The following PRELID2 variants were observed in gnomAD, a reference collection of about 807,000 sequenced individuals.
PRELID2 encodes the protein PRELI domain containing 2.
A neutral mutation model predicts 28.4 loss-of-function variants in PRELID2; 25 were observed. The observed-to-expected ratio is 0.88, with a 90% CI of 0.64 to 1.23. The LOEUF (loss-of-function observed/expected upper bound fraction) is 1.23, where lower values mean the gene tolerates loss of function less well. Ranked by LOEUF, PRELID2 falls within the 50% of genes most tolerant of loss-of-function variation. The pLI is 0.00. For missense variants in PRELID2, 201 were observed against 214.4 expected (o/e 0.94, Z 0.39); for synonymous variants, 76 against 71.6 (o/e 1.06, Z -0.31).
At chr5:145,793,966 C>T (rs534405993) in intron 5 of PRELID2, among the ~76,000 whole-genome samples, 1 of 152,184 alleles carries the variant, frequency 6.6e-6, no homozygotes, top group East Asian at 1.9e-4. Flanking sequence ...AGAGAATGAG[C>T]CATAACTGGA....
intron 1 of PRELID2, among the ~76,000 whole-genome samples, chr5:145,697,037 A>G (rs1280697578): frequency 4.7e-5 from 1 of 21,306 alleles, no homozygotes; most frequent in Non-Finnish European, 8.1e-5. Context: ...GGAAAATTAT[A>G]TATATATATA....
intron 1 of PRELID2, among the ~76,000 whole-genome samples, chr5:145,569,353 G>T (rs1303451311): frequency 6.6e-6 from 1 of 151,988 alleles, no homozygotes; most frequent in Admixed American, 6.5e-5. Flanking sequence ...AACATGTCTG[G>T]GTGGATCCAG....
the PRELID2 span, among the ~76,000 whole-genome samples, chr5:145,414,844 T>C: frequency 6.6e-6 from 1 of 152,200 alleles, no homozygotes. Flanking sequence ...CAGAATGATT[T>C]CATTTGAATA....
At chr5:145,415,293 T>C in the PRELID2 span, among the ~76,000 whole-genome samples, 1 of 152,078 alleles carries the variant, frequency 6.6e-6, no homozygotes, top group African/African-American at 2.4e-5. Flanking sequence ...TTTTTTATTA[T>C]TATTATACTT....
chr5:145,605,084 G>A (rs1483471534), intron 1 of PRELID2, among the ~76,000 whole-genome samples: 1 of 151,128 alleles, frequency 6.6e-6, no homozygotes, highest in African/African-American at 2.4e-5. Context: ...CCTTTGTTAG[G>A]TGCATAGTTT....
At chr5:145,482,881 C>T (rs1315241750) in intron 1 of PRELID2, among the ~76,000 whole-genome samples, 4 of 151,808 alleles carry the variant, frequency 2.6e-5, no homozygotes. Flanking sequence ...AGGGTTCGCG[C>T]TCCTATGAGA....
At chr5:145,800,436 T>C (rs1214540848) in intron 4 of PRELID2, among the ~76,000 whole-genome samples, 1 of 152,078 alleles carries the variant, frequency 6.6e-6, no homozygotes. Flanking sequence ...TAAAACTATA[T>C]CCTGGTGACA....
At chr5:145,632,698 T>C (rs1753949202) in intron 1 of PRELID2, among the ~76,000 whole-genome samples, 1 of 152,208 alleles carries the variant, frequency 6.6e-6, no homozygotes, top group Non-Finnish European at 1.5e-5. Context: ...CAGCCTGGTG[T>C]ACGCATCCTC....
intron 1 of PRELID2, among the ~76,000 whole-genome samples, chr5:145,564,140 C>G (rs952877694): frequency 1.1e-4 from 17 of 152,164 alleles, no homozygotes; most frequent in African/African-American, 4.1e-4. Flanking sequence ...AAATGTCACC[C>G]ATAAGCCAAA....
chr5:145,713,412 T>C (rs1755753436), intron 1 of PRELID2, among the ~76,000 whole-genome samples: 1 of 140,096 alleles, frequency 7.1e-6, no homozygotes. Context: ...CTTTTATATA[T>C]ACTTTATATA....
chr5:145,750,232 G>T (rs1757091862), intron 1 of PRELID2, among the ~76,000 whole-genome samples: 1 of 151,834 alleles, frequency 6.6e-6, no homozygotes, highest in African/African-American at 2.4e-5. Flanking sequence ...TCTAGAGATT[G>T]CTGAGTGTTT....
the PRELID2 span, among the ~76,000 whole-genome samples, chr5:145,379,849 C>A: frequency 1.3e-5 from 2 of 151,982 alleles, no homozygotes; most frequent in Admixed American, 1.3e-4. Flanking sequence ...CCCGAGAGCA[C>A]TCAAGACTGC....
At chr5:145,244,208 G>C in the PRELID2 span, among the ~76,000 whole-genome samples, 1 of 152,038 alleles carries the variant, frequency 6.6e-6, no homozygotes, top group Admixed American at 6.6e-5. Context: ...ACCCACCTTA[G>C]CCTCCCAAAG....
At chr5:145,277,081 C>G in the PRELID2 span, among the ~76,000 whole-genome samples, 1 of 151,988 alleles carries the variant, frequency 6.6e-6, no homozygotes, top group South Asian at 2.1e-4. Flanking sequence ...TTTGAGGGTA[C>G]CTTCTCTGTG....
chr5:145,465,638 G>A, the PRELID2 span, among the ~76,000 whole-genome samples: 1 of 152,104 alleles, frequency 6.6e-6, no homozygotes, highest in Admixed American at 6.6e-5. Flanking sequence ...TCCTAATCGT[G>A]ACTACCTCAT....
At chr5:145,445,687 A>G in the PRELID2 span, among the ~76,000 whole-genome samples, 4 of 151,944 alleles carry the variant, frequency 2.6e-5, no homozygotes, top group African/African-American at 9.7e-5. Flanking sequence ...AAAAATTAAT[A>G]AATAAATAAT....
chr5:145,268,141 C>T, the PRELID2 span, among the ~76,000 whole-genome samples: 6 of 152,158 alleles, frequency 3.9e-5, no homozygotes, highest in East Asian at 5.8e-4. Flanking sequence ...CCTTTTAACT[C>T]GATGTGATCC....
At chr5:145,523,376 A>G (rs1319932115) in intron 1 of PRELID2, among the ~76,000 whole-genome samples, 4 of 152,198 alleles carry the variant, frequency 2.6e-5, no homozygotes, top group African/African-American at 7.2e-5. Flanking sequence ...CATATATTCA[A>G]TTTGGCCCCA....
rs180828253 is a variant in PRELID2 at position 145,681,490 on chromosome 5, C to T, written n.70+83441G>A. On this transcript the variant is annotated intron_variant and non_coding_transcript_variant, in intron 1 of 2. Transcript: ENST00000510259. ...ATAAATGTTTATGAAGGCTCTGCCA[C>T]TTACTACCTGTGTGATCTTGGGAAA... Among the ~76,000 whole-genome samples, 244 of 152,296 alleles carry T rather than the reference C, an allele frequency of 1.6e-3. 1 individual carries two copies. Among genetic ancestry groups the T allele is most frequent in the African/African-American group, 5.7e-3 (236 of 41,564 alleles).
Sources: gnomAD v4.1 joint callset for allele counts (sites outside exome capture counted in the v4.1 genomes callset) on GRCh38, gnomAD v4.1.1 for gene constraint, MANE v1.5 for transcripts, NCBI Gene and HGNC (gene_info 2026-07-23, HGNC 2026-07-21) for gene names.